The following GALNT3 variants were observed in gnomAD, a reference collection of about 807,000 sequenced individuals.
GALNT3 encodes the protein GalNAc transferase 3.
A neutral mutation model predicts 69.8 loss-of-function variants in GALNT3; 51 were observed. The ratio of observed to expected loss-of-function variants is 0.73; its 90% CI spans 0.58 to 0.92. The LOEUF (loss-of-function observed/expected upper bound fraction) is 0.92, where lower values mean the gene tolerates loss of function less well. GALNT3 is among the 40% of genes least tolerant of loss of function. The pLI is 0.00. For synonymous variants in GALNT3, 265 were observed against 248.5 expected, an observed-to-expected ratio of 1.07 and a Z score of -0.63; for missense variants, 711 against 760.0, an observed-to-expected ratio of 0.94 and a Z score of 0.76.
At chr2:165,792,030 A>G (rs1683365303) in intron 1 of GALNT3, among the ~76,000 whole-genome samples, 1 of 152,190 alleles carries the variant, frequency 6.6e-6, no homozygotes, top group African/African-American at 2.4e-5. Context: ...AAGATACAGG[A>G]GTCATGAGTC....
At position 165,762,031 on chromosome 2, in the gene GALNT3, C is replaced by A. The variant is rs1352133982; in HGVS notation, c.712G>T (p.Glu238Ter). ...VDEYLHDKLDEYVKQFSIVKI... is the reference protein window; with the variant it reads ...VDEYLHDKLD The stretch of plus-strand genomic sequence containing the variant: ...ACTATAGAAAATTGTTTTACATATT[C>A]ATCTAGTTTATCATGTAAGTACTCT... Residue 238 changes from glutamate to a stop codon, truncating the protein, a stop_gained, in exon 4 of 11, where the codon GAA becomes TAA. Transcript: ENST00000392701. LOFTEE classifies it high-confidence loss of function. The A allele has an allele frequency of 6.3e-7, 1 of 1,580,338 alleles. No homozygotes were observed. Among genetic ancestry groups the A allele is most frequent in the Non-Finnish European group, 8.7e-7 (1 of 1,149,796 alleles).
At chr2:165,757,465 T>G (rs1688467666) in intron 6 of GALNT3, among the ~76,000 whole-genome samples, 1 of 152,222 alleles carries the variant, frequency 6.6e-6, no homozygotes, top group Non-Finnish European at 1.5e-5. Flanking sequence ...AAGTGCATTT[T>G]CAGTAAGTTA....
intron 1 of GALNT3, among the ~76,000 whole-genome samples, chr2:165,772,709 TAGAC>T (rs760725122): frequency 1.7e-4 from 26 of 151,966 alleles, no homozygotes; most frequent in African/African-American, 5.5e-4. Flanking sequence ...TTTAGGCAGT[TAGAC>T]AGGAGGGAAA....
chr2:165,762,308 T>C (rs1193540459), intron 3 of GALNT3, among the ~76,000 whole-genome samples: 1 of 151,880 alleles, frequency 6.6e-6, no homozygotes, highest in Non-Finnish European at 1.5e-5. Context: ...TCAATAAATA[T>C]AATGTGTTTG....
At chr2:165,752,457 G>A (rs1688371947) in intron 9 of GALNT3, among the ~76,000 whole-genome samples, 1 of 152,022 alleles carries the variant, frequency 6.6e-6, no homozygotes, top group African/African-American at 2.4e-5. Flanking sequence ...TTTTACTACG[G>A]TAACAGTCAG....
chr2:165,750,036 A>G, intron 9 of GALNT3, 142 bp from the exon 10 acceptor site: 1 of 808,958 alleles, frequency 1.2e-6, no homozygotes. Context: ...TATTAGAAAC[A>G]TAAGCTGAGT....
At chr2:165,769,440 T>TAATAAA (rs1553493936) in intron 2 of GALNT3, among the ~76,000 whole-genome samples, 5 of 112,898 alleles carry the variant, frequency 4.4e-5, no homozygotes, top group Admixed American at 9.1e-5. Context: ...ATAATAATAA[T>TAATAAA]AAATAAATAA....
chr2:165,765,880 C>A (rs907170838), intron 2 of GALNT3, among the ~76,000 whole-genome samples: 1 of 152,034 alleles, frequency 6.6e-6, no homozygotes, highest in African/African-American at 2.4e-5. Flanking sequence ...TTTATTGAAT[C>A]AATTTACTTA....
chr2:165,749,938 G>A (rs1303220666), intron 9 of GALNT3, 44 bp from the exon 10 acceptor site: 4 of 1,563,042 alleles, frequency 2.6e-6, no homozygotes, highest in Non-Finnish European at 3.5e-6. Context: ...CAACCCATGT[G>A]CTCAGTTGCA....
rs375725339 is a variant in GALNT3 at position 165,772,584 on chromosome 2, CAAAA to C, written c.-108-1780_-108-1777del. ...TGGGTAGCAGGACAAGACTCTGTCT[CAAAA>C]AAAAAAAAAAAAAAAAAAAAAGGGA... On this transcript the variant is annotated intron_variant, in intron 1 of 10. Transcript: ENST00000392701. 3.9e-3 allele frequency among the ~76,000 whole-genome samples: 260 copies of C among 66,944 alleles called. 2 individuals carry two copies. The highest frequency in any genetic ancestry group is 0.015 in the African/African-American group (232 of 15,966). The allele number at this position is 66,944 out of a possible 152,430, so 43.9% of individuals were successfully genotyped here. A position where few individuals can be genotyped will look rare whatever the true frequency, so the allele number is the denominator to read the frequency against.
intron 1 of GALNT3, among the ~76,000 whole-genome samples, chr2:165,780,646 T>TG (rs1553495826): frequency 1.2e-4 from 12 of 101,768 alleles, no homozygotes; most frequent in Middle Eastern, 4.3e-3. Flanking sequence ...GAGGGGTTTT[T>TG]TTGTTGTTGT....
chr2:165,762,592 A>G (rs1266575981), intron 3 of GALNT3, among the ~76,000 whole-genome samples: 2 of 152,236 alleles, frequency 1.3e-5, no homozygotes, highest in African/African-American at 4.8e-5. Flanking sequence ...GACGATTCCT[A>G]CACAGAGTCA....
rs79546564 is a variant in GALNT3 at position 165,749,483 on chromosome 2, C to A, written c.1779+259G>T. On this transcript the variant is annotated intron_variant, in intron 10 of 10. Transcript: ENST00000392701. Reference sequence around the variant, plus strand: ...ACCCTAAATAGTAAAAAACAAGCGACTAATATTAATAATTCACAGAAGTGC... The same window carrying A: ...ACCCTAAATAGTAAAAAACAAGCGAATAATATTAATAATTCACAGAAGTGC... Among the ~76,000 whole-genome samples the A allele has an allele frequency of 7.7e-3, 1,167 of 152,182 alleles. 40 individuals carry two copies. The highest frequency in any genetic ancestry group is 0.061 in the Admixed American group (928 of 15,264).
At chr2:165,749,695 G>A in intron 10 of GALNT3, 47 bp downstream of exon 10, 3 of 1,523,560 alleles carry the variant, frequency 2.0e-6, no homozygotes, top group Non-Finnish European at 1.8e-6. Flanking sequence ...TAAGCAAGTA[G>A]AGCTAAGAAA....
intron 5 of GALNT3, 58 bp downstream of exon 5, chr2:165,759,278 A>C (rs1573999464): frequency 1.5e-6 from 2 of 1,318,546 alleles, no homozygotes. Context: ...AACAGTGTGT[A>C]CATATTCAAT....
intron 1 of GALNT3, among the ~76,000 whole-genome samples, chr2:165,788,467 GT>G (rs1683273534): frequency 2.3e-4 from 3 of 12,932 alleles, no homozygotes; most frequent in African/African-American, 3.2e-4. Context: ...ATCCAAAAGG[GT>G]GTGTGTGTGT....
intron 5 of GALNT3, 95 bp from the exon 6 acceptor site, chr2:165,758,959 C>A: frequency 1.2e-6 from 1 of 845,084 alleles, no homozygotes; most frequent in South Asian, 1.4e-5. Context: ...AAAGCCATAT[C>A]ACATTTTCAA....
intron 1 of GALNT3, among the ~76,000 whole-genome samples, chr2:165,785,999 C>T (rs78203757): frequency 1.3e-5 from 2 of 152,108 alleles, no homozygotes; most frequent in African/African-American, 2.4e-5. Context: ...GAATCCTACT[C>T]GTAATATGCT....
chr2:165,760,145 T>G (rs1350521651), intron 4 of GALNT3, among the ~76,000 whole-genome samples: 1 of 152,232 alleles, frequency 6.6e-6, no homozygotes, highest in Non-Finnish European at 1.5e-5. Context: ...AGGTAGCTTT[T>G]TGCTGTTCCA....
Sources: gnomAD v4.1 joint callset for allele counts (sites outside exome capture counted in the v4.1 genomes callset) on GRCh38, gnomAD v4.1.1 for gene constraint, MANE v1.5 for transcripts, NCBI Gene and HGNC (gene_info 2026-07-23, HGNC 2026-07-21) for gene names.